The following C6 variants were observed in gnomAD, a reference collection of about 807,000 sequenced individuals.
C6 encodes the protein complement C6, also known as complement component C6.
In C6, 101 loss-of-function variants were observed where a neutral mutation model predicts 112.9. That is an observed-to-expected ratio of 0.89 (90% CI 0.76 to 1.06). C6 has a LOEUF of 1.06. Ranked by LOEUF, C6 falls within the 50% of genes least tolerant of loss-of-function variation. The pLI is 0.00. For synonymous variants in C6, 431 were observed against 384.1 expected, an observed-to-expected ratio of 1.12 and a Z score of -1.43; for missense variants, 1,202 against 1,104.6, an observed-to-expected ratio of 1.09 and a Z score of -1.25.
intron 6 of C6, among the ~76,000 whole-genome samples, chr5:41,184,529 T>C (rs1244699471): frequency 6.6e-6 from 1 of 152,066 alleles, no homozygotes; most frequent in African/African-American, 2.4e-5. Context: ...TGGAGTGCAG[T>C]GGCGTGATCT....
intron 1 of C6, among the ~76,000 whole-genome samples, chr5:41,244,950 G>A (rs1007726066): frequency 1.3e-5 from 2 of 152,172 alleles, no homozygotes; most frequent in Non-Finnish European, 2.9e-5. Context: ...GGTGAATCAT[G>A]TTGATTGATT....
chr5:41,213,232 A>G (rs2150396517), intron 1 of C6, 144 bp downstream of exon 1: 1 of 217,240 alleles, frequency 4.6e-6, no homozygotes, highest in African/African-American at 2.3e-5. Context: ...TCAGATTTAA[A>G]CAAAGCAATT....
intron 1 of C6, among the ~76,000 whole-genome samples, chr5:41,246,870 C>T (rs1436864187): frequency 6.6e-6 from 1 of 152,082 alleles, no homozygotes; most frequent in Non-Finnish European, 1.5e-5. Flanking sequence ...ACATCTTTAC[C>T]TTCTGGGGAG....
chr5:41,198,278 C>T (rs1402167404), intron 4 of C6, among the ~76,000 whole-genome samples: 2 of 152,116 alleles, frequency 1.3e-5, no homozygotes, highest in South Asian at 2.1e-4. Flanking sequence ...CATCTTGAGT[C>T]AGAAAAACAA....
intron 15 of C6, 36 bp from the exon 16 acceptor site, chr5:41,150,061 A>G (rs1182529530): frequency 1.6e-6 from 2 of 1,287,150 alleles, no homozygotes; most frequent in Non-Finnish European, 1.1e-6. Context: ...AGAACAGTGC[A>G]CAGCATGGAT....
chr5:41,236,825 G>A (rs368862126), intron 1 of C6, among the ~76,000 whole-genome samples: 6,548 of 122,558 alleles, frequency 0.053, 267 homozygotes, highest in African/African-American at 0.11. Context: ...TTGATAGACC[G>A]CTAGCAAGAC....
At chr5:41,230,944 T>G (rs1739860403) in intron 1 of C6, among the ~76,000 whole-genome samples, 1 of 152,186 alleles carries the variant, frequency 6.6e-6, no homozygotes, top group African/African-American at 2.4e-5. Flanking sequence ...TTGTTATATC[T>G]TTTTGATGGA....
At chr5:41,254,147 A>T (rs540315215) in intron 1 of C6, among the ~76,000 whole-genome samples, 2 of 152,328 alleles carry the variant, frequency 1.3e-5, no homozygotes, top group African/African-American at 4.8e-5. Context: ...CACACCTATA[A>T]TCCCAGCACT....
chr5:41,246,861 C>T (rs893616510), intron 1 of C6, among the ~76,000 whole-genome samples: 7 of 152,268 alleles, frequency 4.6e-5, no homozygotes, highest in Middle Eastern at 3.4e-3. Context: ...AAGAGCAATA[C>T]ATCTTTACCT....
upstream of C6, among the ~76,000 whole-genome samples, chr5:41,218,464 A>G (rs942700161): frequency 6.6e-6 from 1 of 152,208 alleles, no homozygotes; most frequent in Non-Finnish European, 1.5e-5. Context: ...AAATAAATAA[A>G]TGAATTATAT....
Position 41,149,448 on chromosome 5 carries a change from CTG to C in C6, c.2414_2415del (p.Thr805ArgfsTer12), listed in dbSNP as rs1746169412. On this transcript the variant is annotated frameshift_variant, in exon 17 of 18. Transcript: ENST00000337836. LOFTEE classifies it high-confidence loss of function. The stretch of plus-strand genomic sequence containing the variant: ...GGTGAAGTAAAGTAATCGTTGGAGT[CTG>C]TGTCAAACACACAGAGATCTTCTGA... ...HHSEDLCVFD[T>X]DSNDYFTSPA... 1 of 1,614,074 alleles carries C rather than the reference CTG, an allele frequency of 6.2e-7. No homozygotes were observed. The highest frequency in any genetic ancestry group is 8.5e-7 in the Non-Finnish European group (1 of 1,179,970).
intron 8 of C6, among the ~76,000 whole-genome samples, chr5:41,173,376 G>C (rs1411272142): frequency 1.3e-5 from 2 of 152,222 alleles, no homozygotes; most frequent in East Asian, 3.9e-4. Flanking sequence ...GTTAGTGGAA[G>C]AGTGCAGGGA....
chr5:41,200,347 C>T (rs1267979301), intron 3 of C6, among the ~76,000 whole-genome samples: 3 of 151,968 alleles, frequency 2.0e-5, no homozygotes, highest in East Asian at 1.9e-4. Context: ...AAAACCAATG[C>T]GAATGTAGTC....
Position 41,155,123 on chromosome 5 carries a change from C to T in C6, c.1969-19G>A, listed in dbSNP as rs373264335. 3.7e-6 allele frequency: 6 copies of T among 1,607,402 alleles called. No individual in the cohort carries two copies. The African/African-American group carries it at 8.0e-5, about 22-fold the overall frequency. On this transcript the variant is annotated intron_variant, in intron 13 of 17. Coordinates refer to ENST00000337836, the MANE Select transcript of C6 (RefSeq NM_000065.5). Reference sequence around the variant, plus strand: ...TTTCATTCTTAATTAAAGCAGAAACCAGAAATTATTAATGCTATGAATAAC... The same window carrying T: ...TTTCATTCTTAATTAAAGCAGAAACTAGAAATTATTAATGCTATGAATAAC...
intron 11 of C6, 85 bp downstream of exon 11, chr5:41,160,056 AG>A: frequency 9.3e-7 from 1 of 1,073,408 alleles, no homozygotes; most frequent in East Asian, 2.4e-5. Flanking sequence ...TGCTAATAGA[AG>A]TTTTGTTTCT....
At chr5:41,227,306 T>A (rs1739580218) in intron 1 of C6, among the ~76,000 whole-genome samples, 1 of 152,130 alleles carries the variant, frequency 6.6e-6, no homozygotes, top group Non-Finnish European at 1.5e-5. Flanking sequence ...ATTGTTTTTT[T>A]TTCTAGCTAT....
At chr5:41,225,815 G>A (rs948524381) in intron 1 of C6, among the ~76,000 whole-genome samples, 5 of 152,116 alleles carry the variant, frequency 3.3e-5, no homozygotes, top group Admixed American at 1.3e-4. Context: ...ACAACTATCT[G>A]ATCTTTGACA....
intron 1 of C6, among the ~76,000 whole-genome samples, chr5:41,257,490 T>C (rs1282360108): frequency 6.6e-6 from 1 of 152,142 alleles, no homozygotes; most frequent in Non-Finnish European, 1.5e-5. Flanking sequence ...TATGAATACA[T>C]GTATCTTTCT....
intron 5 of C6, among the ~76,000 whole-genome samples, chr5:41,194,199 A>G (rs1750435276): frequency 1.3e-5 from 2 of 152,186 alleles, no homozygotes; most frequent in South Asian, 4.1e-4. Flanking sequence ...GAAGGAAACC[A>G]TTTCTGCACA....
Sources: allele counts gnomAD v4.1 joint callset (sites outside exome capture counted in the v4.1 genomes callset), GRCh38; gene constraint gnomAD v4.1.1; transcripts MANE v1.5; gene names NCBI Gene and HGNC (gene_info 2026-07-23, HGNC 2026-07-21).